Variants in DNAH8 observed in about 807,000 individuals in gnomAD.
DNAH8 encodes axonemal beta dynein heavy chain 8.
DNAH8 carries 382 observed loss-of-function variants against 562.1 expected under a neutral mutation model. That is an observed-to-expected ratio of 0.68 (90% confidence interval 0.63 to 0.74). The LOEUF (loss-of-function observed/expected upper bound fraction) is 0.74, where lower values mean the gene tolerates loss of function less well. Among genes scored for constraint, DNAH8 ranks in the 30% least tolerant of loss-of-function variants. The pLI is 0.00. For missense variants in DNAH8, 5,203 were observed against 5,620.4 expected, an observed-to-expected ratio of 0.93 and a Z score of 2.37; for synonymous variants, 1,881 against 1,919.4, an observed-to-expected ratio of 0.98 and a Z score of 0.52.
At chr6:39,006,240 T>C (rs1765791815) in intron 88 of DNAH8, among the ~76,000 whole-genome samples, 1 of 152,266 alleles carries the variant, frequency 6.6e-6, no homozygotes, top group South Asian at 2.1e-4. Flanking sequence ...TGTTTTAAGC[T>C]GCTGACTTTG....
intron 7 of DNAH8, among the ~76,000 whole-genome samples, chr6:38,739,136 G>T (rs1764334986): frequency 6.6e-6 from 1 of 151,532 alleles, no homozygotes; most frequent in South Asian, 2.1e-4. Flanking sequence ...TTATTTTTTT[G>T]GATGGCTTGA....
chr6:38,715,958 A>ATTTTTTTTTTTT (rs1454056787), intron 1 of DNAH8, among the ~76,000 whole-genome samples: 1 of 31,046 alleles, frequency 3.2e-5, no homozygotes, highest in African/African-American at 2.2e-4. Context: ...ATATATATAT[A>ATTTTTTTTTTTT]TATTTTTTTT....
intron 7 of DNAH8, 124 bp from the exon 8 acceptor site, chr6:38,741,587 G>A (rs1186805306): frequency 1.0e-5 from 8 of 768,196 alleles, no homozygotes; most frequent in Non-Finnish European, 1.6e-5. Context: ...TTTACTGAGA[G>A]TTTTTAAACA....
At chr6:38,864,800 G>A (rs1416817573) in intron 45 of DNAH8, among the ~76,000 whole-genome samples, 1 of 152,136 alleles carries the variant, frequency 6.6e-6, no homozygotes, top group African/African-American at 2.4e-5. Flanking sequence ...GCCCTCTGAA[G>A]TGGATATTAT....
At chr6:38,814,262 A>G in intron 25 of DNAH8, 133 bp downstream of exon 25, 1 of 618,172 alleles carries the variant, frequency 1.6e-6, no homozygotes, top group Non-Finnish European at 2.8e-6. Context: ...ACAAATTGGA[A>G]ATGTCATTTA....
intron 1 of DNAH8, among the ~76,000 whole-genome samples, chr6:38,720,610 T>C (rs1054824567): frequency 1.3e-5 from 2 of 152,086 alleles, no homozygotes; most frequent in African/African-American, 4.8e-5. Context: ...TAAGCAGACA[T>C]ATCCAATAAA....
intron 24 of DNAH8, among the ~76,000 whole-genome samples, chr6:38,813,022 T>C (rs1771934514): frequency 6.6e-6 from 1 of 152,234 alleles, no homozygotes; most frequent in Admixed American, 6.5e-5. Flanking sequence ...TCTTACCTTT[T>C]CTCTAAGTAT....
At chr6:38,906,024 G>A (rs1478026476) in intron 62 of DNAH8, among the ~76,000 whole-genome samples, 1 of 151,908 alleles carries the variant, frequency 6.6e-6, no homozygotes, top group Non-Finnish European at 1.5e-5. Context: ...TCCTGCCTCA[G>A]CCTCCCAAGT....
chr6:38,723,977 AATTAATT>A (rs769938193), intron 3 of DNAH8, among the ~76,000 whole-genome samples: 5 of 146,424 alleles, frequency 3.4e-5, no homozygotes, highest in Non-Finnish European at 5.9e-5. Context: ...AAATTTAATT[AATTAATT>A]AATTAATTAA....
At chr6:38,917,434 T>C in intron 69 of DNAH8, 28 bp downstream of exon 69, 1 of 1,598,780 alleles carries the variant, frequency 6.3e-7, no homozygotes, top group East Asian at 2.2e-5. Flanking sequence ...TTGTCAATCC[T>C]ATGAGCTGCA....
chr6:38,853,844 A>G (rs1310332720), intron 41 of DNAH8, among the ~76,000 whole-genome samples: 1 of 152,188 alleles, frequency 6.6e-6, no homozygotes, highest in Non-Finnish European at 1.5e-5. Flanking sequence ...ATTTTATAAT[A>G]AAGTGTTGAT....
At chr6:38,801,389 C>G (rs1053265759) in intron 21 of DNAH8, among the ~76,000 whole-genome samples, 1 of 152,116 alleles carries the variant, frequency 6.6e-6, no homozygotes, top group Non-Finnish European at 1.5e-5. Context: ...ATATTCTTTT[C>G]AAAAGATTAC....
intron 17 of DNAH8, among the ~76,000 whole-genome samples, chr6:38,783,377 C>G (rs1768832848): frequency 6.6e-6 from 1 of 152,018 alleles, no homozygotes; most frequent in Non-Finnish European, 1.5e-5. Flanking sequence ...CTACCAAAAA[C>G]CAGTATTTGA....
chr6:38,781,524 G>T, intron 16 of DNAH8, 151 bp downstream of exon 16: 3 of 911,930 alleles, frequency 3.3e-6, no homozygotes, highest in South Asian at 4.0e-5. Context: ...AAATATACTT[G>T]AGAGAGACAA....
At chr6:38,821,113 C>A (rs535822238) in intron 26 of DNAH8, among the ~76,000 whole-genome samples, 252 of 152,130 alleles carry the variant, frequency 1.7e-3, no homozygotes, top group African/African-American at 2.0e-3. Context: ...CTCACACACA[C>A]AAAAAAACCC....
At chr6:38,715,948 A>ATTT (rs1282494098) in intron 1 of DNAH8, among the ~76,000 whole-genome samples, 8 of 28,216 alleles carry the variant, frequency 2.8e-4, no homozygotes, top group African/African-American at 1.7e-3. Flanking sequence ...ATATATATAT[A>ATTT]TATATATATA....
intron 87 of DNAH8, among the ~76,000 whole-genome samples, chr6:38,987,776 T>G (rs552995502): frequency 6.6e-6 from 1 of 152,240 alleles, no homozygotes; most frequent in East Asian, 1.9e-4. Flanking sequence ...CTCTCCAACC[T>G]CCTGTCTTGT....
intron 87 of DNAH8, among the ~76,000 whole-genome samples, chr6:38,985,907 A>T (rs979123646): frequency 6.6e-6 from 1 of 152,198 alleles, no homozygotes; most frequent in Admixed American, 6.5e-5. Context: ...CACTCCAGAC[A>T]GCGGTGGGGA....
intron 26 of DNAH8, among the ~76,000 whole-genome samples, chr6:38,816,854 T>A (rs12197353): frequency 0.14 from 21,752 of 152,200 alleles, 2,087 homozygotes; most frequent in Non-Finnish European, 0.21. Context: ...GAGCTTTTTT[T>A]TATATATGTT....
Sources: gnomAD v4.1 joint callset for allele counts (sites outside exome capture counted in the v4.1 genomes callset) on GRCh38, gnomAD v4.1.1 for gene constraint, MANE v1.5 for transcripts, NCBI Gene and HGNC (gene_info 2026-07-23, HGNC 2026-07-21) for gene names.